Variants in STARD13 observed in about 807,000 individuals in gnomAD.
The protein encoded by STARD13 is StAR related lipid transfer domain containing 13.
STARD13 carries 62 observed loss-of-function variants against 106.4 expected under a neutral mutation model. The observed-to-expected ratio is 0.58, with a 90% CI of 0.48 to 0.72. The LOEUF is 0.72. Ranked by LOEUF, STARD13 falls within the 30% of genes least tolerant of loss-of-function variation. The pLI is 0.00. For synonymous variants in STARD13, 565 were observed against 553.0 expected (o/e 1.02, Z -0.31); for missense variants, 1,387 against 1,424.0 (o/e 0.97, Z 0.42).
the STARD13 span, among the ~76,000 whole-genome samples, chr13:33,481,645 G>T: frequency 1.3e-5 from 2 of 152,006 alleles, no homozygotes; most frequent in Admixed American, 1.3e-4. Context: ...GAGAAGGAGG[G>T]GTAGGTGGAA....
At chr13:33,201,697 A>T (rs1218933568) in intron 1 of STARD13, among the ~76,000 whole-genome samples, 1 of 152,180 alleles carries the variant, frequency 6.6e-6, no homozygotes, top group African/African-American at 2.4e-5. Context: ...TCTGTCAAAG[A>T]ATTTTCAAAT....
At chr13:33,528,257 C>CATATATATATATATATATGTATATAT in the STARD13 span, among the ~76,000 whole-genome samples, 181 of 92,866 alleles carry the variant, frequency 1.9e-3, 5 homozygotes, top group African/African-American at 0.011. Context: ...TATATATATA[C>CATATATATATATATATATGTATATAT]ATATATATAT....
chr13:33,239,869 C>A (rs959849772), intron 1 of STARD13, among the ~76,000 whole-genome samples: 4 of 151,916 alleles, frequency 2.6e-5, no homozygotes, highest in African/African-American at 9.7e-5. Context: ...TGACAGTTTC[C>A]TTTGCTGTGT....
At chr13:33,546,650 A>AT in the STARD13 span, among the ~76,000 whole-genome samples, 31,231 of 147,038 alleles carry the variant, frequency 0.21, 3,766 homozygotes, top group East Asian at 0.42. Flanking sequence ...TGTCGTATTA[A>AT]TTTTTTTTTT....
chr13:33,480,249 G>C, the STARD13 span, among the ~76,000 whole-genome samples: 1 of 151,982 alleles, frequency 6.6e-6, no homozygotes, highest in Non-Finnish European at 1.5e-5. Flanking sequence ...ATAGAAGCTA[G>C]GACTCATTTT....
the STARD13 span, chr13:33,659,865 C>CT: frequency 6.6e-6 from 1 of 152,154 alleles, no homozygotes; most frequent in Non-Finnish European, 1.5e-5. Flanking sequence ...AAAATTCAAA[C>CT]TTTGTCTAAT....
the STARD13 span, among the ~76,000 whole-genome samples, chr13:33,429,462 G>A: frequency 1.3e-5 from 2 of 151,736 alleles, no homozygotes; most frequent in African/African-American, 4.8e-5. Flanking sequence ...TGGGTGTGGC[G>A]GCAGTGAGCC....
At chr13:33,254,117 C>A (rs1019275824) in intron 1 of STARD13, among the ~76,000 whole-genome samples, 9 of 152,308 alleles carry the variant, frequency 5.9e-5, no homozygotes, top group African/African-American at 2.2e-4. Context: ...ACTATTGAAT[C>A]TCAGACAAAG....
At chr13:33,116,207 TGG>T (rs35775841) in intron 8 of STARD13, among the ~76,000 whole-genome samples, 1 of 152,230 alleles carries the variant, frequency 6.6e-6, no homozygotes, top group African/African-American at 2.4e-5. Flanking sequence ...ATGAATACAC[TGG>T]GCTCTCCTGA....
chr13:33,295,788 G>A (rs1477196375), intron 1 of STARD13, among the ~76,000 whole-genome samples: 1 of 152,150 alleles, frequency 6.6e-6, no homozygotes, highest in African/African-American at 2.4e-5. Context: ...TGCCTAGAGG[G>A]ATGCATACCT....
chr13:33,186,066 CTCTCA>C (rs746787468), intron 1 of STARD13: 3 of 1,608,396 alleles, frequency 1.9e-6, no homozygotes, highest in East Asian at 2.2e-5. Context: ...TGATAGTCCT[CTCTCA>C]TGTTTCCGGT....
chr13:33,311,367 T>C (rs778677705), intron 1 of STARD13, among the ~76,000 whole-genome samples: 10 of 152,160 alleles, frequency 6.6e-5, no homozygotes, highest in Admixed American at 2.6e-4. Context: ...TATAATCTTA[T>C]GGAAACACTA....
intron 3 of STARD13, among the ~76,000 whole-genome samples, chr13:33,146,205 TC>T (rs1253695620): frequency 6.6e-6 from 1 of 152,046 alleles, no homozygotes; most frequent in African/African-American, 2.4e-5. Flanking sequence ...ATGCCTGTAA[TC>T]CCAGCTACTC....
At chr13:33,208,353 T>C (rs1376362148) in intron 1 of STARD13, among the ~76,000 whole-genome samples, 1 of 151,830 alleles carries the variant, frequency 6.6e-6, no homozygotes, top group Non-Finnish European at 1.5e-5. Flanking sequence ...CACTTCCAAG[T>C]AGGGAGTGAG....
chr13:33,350,258 C>T (rs1397928757), intron 1 of STARD13: 2 of 1,515,966 alleles, frequency 1.3e-6, no homozygotes, highest in South Asian at 2.4e-5. Context: ...CTCCCCCGCC[C>T]CCGTGGGTCG....
the STARD13 span, among the ~76,000 whole-genome samples, chr13:33,460,819 A>G: frequency 2.0e-5 from 3 of 152,214 alleles, no homozygotes; most frequent in African/African-American, 7.2e-5. Flanking sequence ...TTAAAGCTAT[A>G]TTATCATTTT....
chr13:33,339,839 C>A (rs1196593383), intron 1 of STARD13, among the ~76,000 whole-genome samples: 2 of 151,850 alleles, frequency 1.3e-5, no homozygotes, highest in African/African-American at 4.8e-5. Flanking sequence ...GTAATCCCAG[C>A]ACTTTGGGAG....
chr13:33,553,270 A>G, the STARD13 span, among the ~76,000 whole-genome samples: 2 of 152,128 alleles, frequency 1.3e-5, no homozygotes, highest in Admixed American at 1.3e-4. Context: ...ACACCTAGGT[A>G]GGAGATTAGT....
intron 1 of STARD13, among the ~76,000 whole-genome samples, chr13:33,250,561 G>T (rs945734700): frequency 6.6e-6 from 1 of 152,122 alleles, no homozygotes; most frequent in African/African-American, 2.4e-5. Flanking sequence ...CCTTTTAAAG[G>T]CATTATTTCA....
Sources: gnomAD v4.1 joint callset for allele counts (sites outside exome capture counted in the v4.1 genomes callset) on GRCh38, gnomAD v4.1.1 for gene constraint, MANE v1.5 for transcripts, NCBI Gene and HGNC (gene_info 2026-07-23, HGNC 2026-07-21) for gene names.